Variants in ASXL2 observed in about 807,000 individuals in gnomAD.
ASXL2 encodes the protein putative Polycomb group protein ASXL2.
A neutral mutation model predicts 122.0 loss-of-function variants in ASXL2; 23 were observed. The observed-to-expected ratio is 0.19, with a 90% CI of 0.14 to 0.27. The LOEUF (loss-of-function observed/expected upper bound fraction) is 0.27. Among genes scored for constraint, ASXL2 ranks in the 10% least tolerant of loss-of-function variants. ASXL2 has a pLI of 1.00. For missense variants in ASXL2, 1,518 were observed against 1,713.8 expected (o/e 0.89, Z 2.02); for synonymous variants, 650 against 637.0 (o/e 1.02, Z -0.31).
chr2:25,803,167 A>ATGAATGAT (rs1384270573), intron 4 of ASXL2, among the ~76,000 whole-genome samples: 12 of 150,992 alleles, frequency 7.9e-5, no homozygotes, highest in Admixed American at 2.0e-4. Context: ...GAATGAATGA[A>ATGAATGAT]TGATTTAGCT....
intron 12 of ASXL2, among the ~76,000 whole-genome samples, chr2:25,747,312 A>G (rs1484913843): frequency 6.6e-6 from 1 of 152,188 alleles, no homozygotes; most frequent in Non-Finnish European, 1.5e-5. Context: ...CATTTATACT[A>G]CATTGTGAAT....
intron 1 of ASXL2, chr2:25,856,753 A>T: frequency 7.7e-7 from 1 of 1,306,478 alleles, no homozygotes; most frequent in Non-Finnish European, 1.1e-6. Flanking sequence ...AGCAGCAGAC[A>T]GCTGCAGACC....
At position 25,743,666 on chromosome 2, in the gene ASXL2, A is replaced by G. The variant is rs756147315; in HGVS notation, c.2671T>C (p.Leu891=). Reference sequence around the variant, plus strand: ...AGCTTTTCTAAAGTGGCTGTGGTCAATAAAGATGTTAAAGGGGAGGGAGTT... The same window carrying G: ...AGCTTTTCTAAAGTGGCTGTGGTCAGTAAAGATGTTAAAGGGGAGGGAGTT... The part of the protein sequence containing the change: ...AVTPSPLTSL[L]TTATLEKLPV... Residue 891 remains leucine, a synonymous_variant, in exon 13 of 13, where the codon TTG becomes CTG. Coordinates refer to ENST00000435504, the MANE Select transcript of ASXL2 (RefSeq NM_018263.6). 2.0e-5 allele frequency: 33 copies of G among 1,613,890 alleles called. No homozygotes were observed. Among genetic ancestry groups the G allele is most frequent in the Non-Finnish European group, 2.5e-5 (29 of 1,179,904 alleles).
At position 25,778,812 on chromosome 2, in the gene ASXL2, C is replaced by T. The variant is rs151083614; in HGVS notation, c.404-7272G>A. Among the ~76,000 whole-genome samples the T allele has an allele frequency of 3.9e-5, 6 of 152,242 alleles. No individual in the cohort carries two copies. The East Asian group carries it at 1.2e-3, about 29-fold the overall frequency. ...GGCAAATCTTACATAACTTTTGGCC[C>T]AGACCTGGATCAACTACTTCTCCAA... is the stretch of plus-strand genomic sequence containing the variant. On this transcript the variant is annotated intron_variant, in intron 5 of 12. Transcript: ENST00000435504.
At chr2:25,856,599 G>A in intron 1 of ASXL2, 1 of 1,217,264 alleles carries the variant, frequency 8.2e-7, no homozygotes, top group Non-Finnish European at 1.2e-6. Context: ...GATCTGTCCT[G>A]TGCAGAGCCC....
chr2:25,784,439 T>C (rs1337539660), intron 5 of ASXL2, among the ~76,000 whole-genome samples: 2 of 152,286 alleles, frequency 1.3e-5, no homozygotes, highest in South Asian at 2.1e-4. Context: ...ACTGAATACA[T>C]TGTATAATGA....
intron 5 of ASXL2, among the ~76,000 whole-genome samples, chr2:25,793,936 T>A (rs560210897): frequency 6.6e-6 from 1 of 152,282 alleles, no homozygotes; most frequent in East Asian, 1.9e-4. Flanking sequence ...AACACAGTGC[T>A]AAAACCTCCA....
At chr2:25,868,569 A>G (rs192076662) in intron 1 of ASXL2, among the ~76,000 whole-genome samples, 1 of 152,370 alleles carries the variant, frequency 6.6e-6, no homozygotes, top group African/African-American at 2.4e-5. Flanking sequence ...GAATTATCAC[A>G]GATATTTCCC....
Position 25,768,831 on chromosome 2 carries a change from T to TGCA in ASXL2, c.541_542insTGC (p.Gln180_Gln181insLeu). 1 of 1,613,558 alleles carries TGCA rather than the reference T, an allele frequency of 6.2e-7. No individual in the cohort carries two copies. The highest frequency in any genetic ancestry group is 8.5e-7 in the Non-Finnish European group (1 of 1,179,584). On this transcript the variant is annotated inframe_insertion, in exon 7 of 13. Coordinates refer to ENST00000435504, the MANE Select transcript of ASXL2 (RefSeq NM_018263.6). ...GGAGATGGATATGCTTGGCCTGCAT[T>TGCA]GCTGCTGCTGCTTCTTCTGCTGTTG... is the stretch of plus-strand genomic sequence containing the variant.
At chr2:25,862,276 C>T (rs753215225) in intron 1 of ASXL2, among the ~76,000 whole-genome samples, 69 of 152,074 alleles carry the variant, frequency 4.5e-4, no homozygotes, top group Non-Finnish European at 9.3e-4. Flanking sequence ...AAAACTGATA[C>T]AAAGCCAAAC....
chr2:25,857,971 TA>T (rs1480209801), intron 1 of ASXL2, among the ~76,000 whole-genome samples: 1 of 152,108 alleles, frequency 6.6e-6, no homozygotes, highest in Admixed American at 6.6e-5. Context: ...CTCCTGGGTT[TA>T]AGCAGTTCTG....
intron 4 of ASXL2, among the ~76,000 whole-genome samples, chr2:25,804,963 T>A (rs747412207): frequency 2.0e-5 from 3 of 152,084 alleles, no homozygotes; most frequent in Non-Finnish European, 2.9e-5. Flanking sequence ...GACAGGAGAA[T>A]CGCTTGAACC....
At chr2:25,789,506 T>C (rs900775745) in intron 5 of ASXL2, among the ~76,000 whole-genome samples, 2 of 152,092 alleles carry the variant, frequency 1.3e-5, no homozygotes, top group African/African-American at 4.8e-5. Flanking sequence ...GGGCAATATT[T>C]TGCTCCTTAA....
intron 5 of ASXL2, among the ~76,000 whole-genome samples, chr2:25,775,547 A>C (rs2088533287): frequency 6.6e-6 from 1 of 152,118 alleles, no homozygotes; most frequent in African/African-American, 2.4e-5. Flanking sequence ...TGTTCTCGTG[A>C]TAGTGAGTTC....
In ASXL2 at chr2:25,750,347, T is replaced by A; in HGVS notation, c.1209A>T (p.Lys403Asn). 1.2e-6 allele frequency: 2 copies of A among 1,613,752 alleles called. No individual in the cohort carries two copies. The highest frequency in any genetic ancestry group is 4.5e-5 in the East Asian group (2 of 44,886). The part of the protein sequence containing the change: ...TASPSDPKVK[K>N]TPAEQPKSMP... ...TGGATTTTGGTTGTTCAGCTGGGGTTTTCTTTACTTTGGGATCACTGGGAG... is the reference window on the plus strand; with the variant it reads ...TGGATTTTGGTTGTTCAGCTGGGGTATTCTTTACTTTGGGATCACTGGGAG... The change falls in exon 12 of 13, where the codon AAA (lysine) becomes AAT (asparagine). Residue 403 changes from lysine to asparagine, a missense_variant. Around this residue, in one of 8 missense-constraint regions of ASXL2, gnomAD observed 92 missense variants for 156.6 expected, o/e 0.59. Coordinates refer to ENST00000435504, the MANE Select transcript of ASXL2 (RefSeq NM_018263.6).
intron 3 of ASXL2, chr2:25,810,060 C>T (rs181991888): frequency 4.3e-5 from 24 of 553,462 alleles, no homozygotes; most frequent in African/African-American, 3.8e-4. Flanking sequence ...TCAGCAAACT[C>T]AGCACAGGTC....
At chr2:25,877,544 C>G (rs532303857) in intron 1 of ASXL2, among the ~76,000 whole-genome samples, 2 of 151,204 alleles carry the variant, frequency 1.3e-5, no homozygotes, top group South Asian at 2.1e-4. Context: ...TAGGTCTCTA[C>G]GGAAACAGGA....
At chr2:25,797,218 G>T (rs978446915) in intron 5 of ASXL2, among the ~76,000 whole-genome samples, 9 of 152,042 alleles carry the variant, frequency 5.9e-5, no homozygotes, top group Non-Finnish European at 1.0e-4. Context: ...AGGCCAAGGC[G>T]GGTGGATCAC....
At chr2:25,767,397 T>C (rs762462049) in intron 8 of ASXL2, among the ~76,000 whole-genome samples, 186 bp downstream of exon 8, 1 of 152,222 alleles carries the variant, frequency 6.6e-6, no homozygotes, top group Non-Finnish European at 1.5e-5. Context: ...ACTAAATCAA[T>C]TCCGTTCCTG....
Sources: allele counts gnomAD v4.1 joint callset (sites outside exome capture counted in the v4.1 genomes callset), GRCh38; gene constraint gnomAD v4.1.1; regional missense constraint gnomAD v4.1.1; transcripts MANE v1.5; gene names NCBI Gene and HGNC (gene_info 2026-07-23, HGNC 2026-07-21).